MCC: variants seen among roughly 807,000 people sequenced by gnomAD.
MCC encodes colorectal mutant cancer protein.
In MCC, 90 loss-of-function variants were observed where a neutral mutation model predicts 116.2. That is an observed-to-expected ratio of 0.77 (90% CI 0.65 to 0.92). The LOEUF is 0.92. Ranked by LOEUF, MCC falls within the 40% of genes least tolerant of loss-of-function variation. The pLI, the probability that MCC is intolerant of heterozygous loss-of-function variation, is 0.00. For synonymous variants in MCC, 578 were observed against 510.5 expected (o/e 1.13, Z -1.78); for missense variants, 1,516 against 1,312.2 (o/e 1.16, Z -2.40).
At chr5:113,289,822 A>G (rs944671811) in intron 3 of MCC, among the ~76,000 whole-genome samples, 10 of 152,208 alleles carry the variant, frequency 6.6e-5, no homozygotes, top group Admixed American at 6.5e-4. Flanking sequence ...TTCAACCTCT[A>G]AATTTTGGAG....
intron 1 of MCC, among the ~76,000 whole-genome samples, chr5:113,422,825 T>C (rs559730065): frequency 1.3e-5 from 2 of 152,332 alleles, no homozygotes; most frequent in South Asian, 4.1e-4. Context: ...CTTCTAGTTA[T>C]ACTTGGTAGA....
intron 2 of MCC, among the ~76,000 whole-genome samples, chr5:113,382,311 C>A (rs11746828): frequency 0.13 from 19,934 of 150,034 alleles, 1,567 homozygotes; most frequent in African/African-American, 0.17. Context: ...TACTCTATCA[C>A]CCCGGCTGGA....
At position 113,068,187 on chromosome 5, in the gene MCC, A is replaced by G. The variant is rs1753759364; in HGVS notation, c.1926-4T>C. 1 of 1,612,104 alleles carries G rather than the reference A, an allele frequency of 6.2e-7. No individual in the cohort carries two copies. The highest frequency in any genetic ancestry group is 1.7e-5 in the Admixed American group (1 of 60,016). Reference sequence around the variant, plus strand: ...GTAGGCTTCGATGCACTGCTCGCTGAAACAAAGCACATGGGGCCTCAGCCC... The same window carrying G: ...GTAGGCTTCGATGCACTGCTCGCTGGAACAAAGCACATGGGGCCTCAGCCC... On this transcript the variant is annotated splice_polypyrimidine_tract_variant and splice_region_variant and intron_variant, in intron 12 of 18. Coordinates refer to ENST00000408903, the MANE Select transcript of MCC (RefSeq NM_001085377.2).
intron 1 of MCC, among the ~76,000 whole-genome samples, chr5:113,438,766 G>T (rs370356762): frequency 3.9e-5 from 6 of 152,242 alleles, no homozygotes; most frequent in Admixed American, 2.0e-4. Context: ...AAAACACTAC[G>T]ACATGGCATC....
chr5:113,046,903 T>C (rs982240937), intron 16 of MCC, among the ~76,000 whole-genome samples: 1 of 151,956 alleles, frequency 6.6e-6, no homozygotes, highest in African/African-American at 2.4e-5. Context: ...CTGTATCACA[T>C]CATCTCTTGC....
intron 6 of MCC, among the ~76,000 whole-genome samples, chr5:113,108,218 A>G (rs7707142): frequency 0.47 from 71,479 of 150,618 alleles, 17,371 homozygotes; most frequent in African/African-American, 0.56. Flanking sequence ...GGTGGCGCAC[A>G]CCTGTAATGG....
rs750971273 is a variant in MCC at position 113,340,666 on chromosome 5, C to T, written c.480G>A (p.Pro160=). ...YDSGARDLQS[P]DVQSQSALQK... is the part of the protein sequence containing the mutation. ...GGAGGGCTGACTGGCTCTGCACATC[C>T]GGGCTCTGGAGGTCCCTGGCACCAG... The change falls in exon 3 of 19, where the codon CCG becomes CCA. Residue 160 remains proline, a synonymous_variant. Coordinates refer to ENST00000408903, the MANE Select transcript of MCC (RefSeq NM_001085377.2). 43 of 1,613,972 alleles carry T rather than the reference C, an allele frequency of 2.7e-5. No individual in the cohort carries two copies. The highest frequency in any genetic ancestry group is 1.1e-4 in the African/African-American group (8 of 74,924).
intron 17 of MCC, among the ~76,000 whole-genome samples, chr5:113,033,080 G>A (rs1751070962): frequency 6.6e-6 from 1 of 152,190 alleles, no homozygotes; most frequent in Admixed American, 6.5e-5. Context: ...ATTTTACTCT[G>A]TGGGCTTGCC....
At chr5:113,028,864 T>A in intron 18 of MCC, 70 bp downstream of exon 18, 1 of 1,548,456 alleles carries the variant, frequency 6.5e-7, no homozygotes, top group Non-Finnish European at 8.8e-7. Context: ...GTGCTGTGTC[T>A]ACATGCAGGG....
At chr5:113,246,635 T>C (rs576023003) in intron 3 of MCC, among the ~76,000 whole-genome samples, 187 of 152,350 alleles carry the variant, frequency 1.2e-3, no homozygotes, top group African/African-American at 4.3e-3. Flanking sequence ...GGAGATACTG[T>C]CTTTTGTCTC....
intron 3 of MCC, among the ~76,000 whole-genome samples, chr5:113,256,281 A>T (rs1156496889): frequency 6.6e-6 from 1 of 152,198 alleles, no homozygotes; most frequent in East Asian, 1.9e-4. Context: ...AGCACTGCTT[A>T]TTTCATTCAT....
chr5:113,259,688 A>G (rs1451342759), intron 3 of MCC, among the ~76,000 whole-genome samples: 1 of 152,092 alleles, frequency 6.6e-6, no homozygotes, highest in Non-Finnish European at 1.5e-5. Flanking sequence ...AACTCCTAGA[A>G]CATGTTAACC....
chr5:113,068,292 C>G lies in MCC; in HGVS notation c.1926-109G>C, dbSNP rs1024526269. 3.9e-6 allele frequency: 3 copies of G among 764,710 alleles called. No individual in the cohort carries two copies. The African/African-American group carries it at 5.1e-5, about 13-fold the overall frequency. The allele number at this position is 764,710 out of a possible 1,614,324, so 47.4% of individuals were successfully genotyped here. On this transcript the variant is annotated intron_variant, in intron 12 of 18. Coordinates refer to ENST00000408903, the MANE Select transcript of MCC (RefSeq NM_001085377.2). ...GCTCAGGTGCTGTCTCGGCCTCACT[C>G]TCCACACAGGCAAGGAAACCACCCA...
At chr5:113,119,924 G>A (rs578070065) in intron 6 of MCC, among the ~76,000 whole-genome samples, 10 of 152,358 alleles carry the variant, frequency 6.6e-5, no homozygotes, top group Admixed American at 4.6e-4. Context: ...GTGAGGACCA[G>A]TGCAACAGAC....
intron 1 of MCC, among the ~76,000 whole-genome samples, chr5:113,425,965 G>A (rs1445298767): frequency 6.6e-6 from 1 of 152,082 alleles, no homozygotes; most frequent in Non-Finnish European, 1.5e-5. Flanking sequence ...AGTGAGTCTG[G>A]CAGCCGAGGG....
intron 9 of MCC, 51 bp from the exon 10 acceptor site, chr5:113,084,241 T>C (rs368438267): frequency 3.3e-5 from 47 of 1,407,202 alleles, no homozygotes; most frequent in Middle Eastern, 3.5e-4. Context: ...ACTCCTCAGA[T>C]AAACTGTTGG....
At position 113,037,853 on chromosome 5, in the gene MCC, G is replaced by A. The variant is rs547721355; in HGVS notation, c.2756+5677C>T. ...TTGGAAAGATGAATTGTCCAGAGGG[G>A]CTGGACTACAGATCAAGCATGGGGA... is the stretch of plus-strand genomic sequence containing the variant. On this transcript the variant is annotated intron_variant, in intron 17 of 18. Transcript: ENST00000408903. Among the ~76,000 whole-genome samples the A allele has an allele frequency of 2.0e-5, 3 of 152,314 alleles. No individual in the cohort carries two copies. The East Asian group carries it at 5.8e-4, about 29-fold the overall frequency.
intron 3 of MCC, among the ~76,000 whole-genome samples, chr5:113,163,536 A>G (rs566187456): frequency 1.3e-5 from 2 of 151,912 alleles, no homozygotes; most frequent in East Asian, 3.9e-4. Context: ...CTGACATCAT[A>G]TCCTAACATT....
chr5:113,182,842 A>G (rs1436831444), intron 3 of MCC, among the ~76,000 whole-genome samples: 1 of 152,224 alleles, frequency 6.6e-6, no homozygotes, highest in East Asian at 1.9e-4. Flanking sequence ...GATGGCGGGA[A>G]GGTATAAACA....
Sources: allele counts gnomAD v4.1 joint callset (sites outside exome capture counted in the v4.1 genomes callset), GRCh38; gene constraint gnomAD v4.1.1; transcripts MANE v1.5; gene names NCBI Gene and HGNC (gene_info 2026-07-23, HGNC 2026-07-21).